Variants in CFAP299 observed in about 807,000 individuals in gnomAD.
The protein encoded by CFAP299 is cilia- and flagella-associated protein 299.
Under a neutral mutation model 27.0 loss-of-function variants are expected in CFAP299, and 21 were observed. The observed-to-expected ratio is 0.78, with a 90% CI of 0.55 to 1.12. CFAP299 has a LOEUF of 1.12. CFAP299 is among the 50% of genes most tolerant of loss of function. The pLI is 0.00. For synonymous variants in CFAP299, 104 were observed against 98.1 expected (o/e 1.06, Z -0.36); for missense variants, 310 against 276.6 (o/e 1.12, Z -0.86).
At chr4:80,574,402 G>A (rs1279459854) in intron 2 of CFAP299, among the ~76,000 whole-genome samples, 1 of 152,076 alleles carries the variant, frequency 6.6e-6, no homozygotes, top group Non-Finnish European at 1.5e-5. Context: ...CTGCAAACAA[G>A]GATAATTTGA....
At chr4:80,562,467 G>A (rs956407730) in intron 2 of CFAP299, among the ~76,000 whole-genome samples, 15 of 151,652 alleles carry the variant, frequency 9.9e-5, no homozygotes, top group Middle Eastern at 6.8e-3. Context: ...GTGTAGTGGC[G>A]GGTGCCCGTA....
rs181118862 is a variant in CFAP299 at position 80,798,418 on chromosome 4, C to A, written c.334-71575C>A. 6.3e-4 allele frequency among the ~76,000 whole-genome samples: 96 copies of A among 152,228 alleles called. 2 individuals carry two copies. Among genetic ancestry groups the A allele is most frequent in the African/African-American group, 2.2e-3 (91 of 41,540 alleles). ...GGCAAAAAATGTTCACCAGAGTTTA[C>A]AAACTCAGTGCCCCGAGATTCATCA... On this transcript the variant is annotated intron_variant, in intron 3 of 5. Transcript: ENST00000358105.
intron 3 of CFAP299, among the ~76,000 whole-genome samples, chr4:80,846,915 G>GT: frequency 6.6e-6 from 1 of 152,182 alleles, no homozygotes; most frequent in Non-Finnish European, 1.5e-5. Flanking sequence ...GTCATTTTCT[G>GT]TAAGTTTCCA....
At chr4:80,775,653 T>G (rs1441266661) in intron 3 of CFAP299, among the ~76,000 whole-genome samples, 2 of 151,778 alleles carry the variant, frequency 1.3e-5, no homozygotes, top group East Asian at 3.9e-4. Flanking sequence ...ACACTAAAAG[T>G]ATGAAAAAAA....
At chr4:80,653,222 C>A (rs1740396944) in intron 3 of CFAP299, among the ~76,000 whole-genome samples, 1 of 152,080 alleles carries the variant, frequency 6.6e-6, no homozygotes, top group African/African-American at 2.4e-5. Context: ...CACATTTTGA[C>A]AAACGGCAGA....
At chr4:80,902,586 T>TACACACACACACAC (rs3038572) in intron 4 of CFAP299, among the ~76,000 whole-genome samples, 45 of 126,696 alleles carry the variant, frequency 3.6e-4, no homozygotes, top group Non-Finnish European at 4.7e-4. Context: ...ATGTAATATA[T>TACACACACACACAC]ACACACACAC....
At chr4:80,622,458 A>C (rs1401647194) in intron 3 of CFAP299, among the ~76,000 whole-genome samples, 1 of 152,204 alleles carries the variant, frequency 6.6e-6, no homozygotes, top group Admixed American at 6.5e-5. Context: ...AACTCAGTAC[A>C]TTCTGGTGAA....
rs544643105 is a variant in CFAP299 at position 80,601,729 on chromosome 4, A to G, written c.333+18546A>G. ...CTTGATCCGGGTGAGATAAGCATGG[A>G]TCACGTTCTCATTCATTTCCTCAGG... On this transcript the variant is annotated intron_variant, in intron 3 of 5. Coordinates refer to ENST00000358105, the MANE Select transcript of CFAP299 (RefSeq NM_152770.3). Among the ~76,000 whole-genome samples, 50 of 152,302 alleles carry G rather than the reference A, an allele frequency of 3.3e-4. 1 individual carries two copies. In the South Asian group the frequency reaches 5.6e-3, roughly 17 times the overall value.
intron 2 of CFAP299, among the ~76,000 whole-genome samples, chr4:80,370,611 G>A (rs1724094783): frequency 6.6e-6 from 1 of 152,188 alleles, no homozygotes; most frequent in South Asian, 2.1e-4. Context: ...GGGGCTACAG[G>A]CCCCAGGCAA....
At chr4:80,609,131 A>G (rs1560653828) in intron 3 of CFAP299, among the ~76,000 whole-genome samples, 1 of 152,036 alleles carries the variant, frequency 6.6e-6, no homozygotes, top group Non-Finnish European at 1.5e-5. Flanking sequence ...TAGTATACAT[A>G]TATTTGCTAC....
chr4:80,636,977 T>G (rs571052958), intron 3 of CFAP299, among the ~76,000 whole-genome samples: 1 of 152,206 alleles, frequency 6.6e-6, no homozygotes, highest in South Asian at 2.1e-4. Flanking sequence ...ATAATCAGAA[T>G]TAAAGAAAAA....
In CFAP299 at chr4:80,705,538, A is replaced by C. The variant is rs114413731; in HGVS notation, c.333+122355A>C. 4.5e-3 allele frequency among the ~76,000 whole-genome samples: 688 copies of C among 151,930 alleles called. 5 individuals carry two copies. The highest frequency in any genetic ancestry group is 0.016 in the African/African-American group (645 of 41,514). On this transcript the variant is annotated intron_variant, in intron 3 of 5. Transcript: ENST00000358105. ...CTTGTCGTGTGTCCAAGAAAAGAGGAAAAGGAGTTTGGAACAATTCTGTTT... is the reference window on the plus strand; with the variant it reads ...CTTGTCGTGTGTCCAAGAAAAGAGGCAAAGGAGTTTGGAACAATTCTGTTT...
At chr4:80,724,090 A>T (rs1417971567) in intron 3 of CFAP299, among the ~76,000 whole-genome samples, 1 of 152,112 alleles carries the variant, frequency 6.6e-6, no homozygotes, top group Non-Finnish European at 1.5e-5. Flanking sequence ...TAATGTTTCT[A>T]TTTTGAATAT....
At chr4:80,821,446 G>A (rs553377347) in intron 3 of CFAP299, among the ~76,000 whole-genome samples, 1 of 152,236 alleles carries the variant, frequency 6.6e-6, no homozygotes, top group East Asian at 1.9e-4. Context: ...ATACAAACAA[G>A]CTTCTAAAGA....
chr4:80,718,571 A>T (rs961882375), intron 3 of CFAP299, among the ~76,000 whole-genome samples: 1 of 152,100 alleles, frequency 6.6e-6, no homozygotes, highest in Non-Finnish European at 1.5e-5. Context: ...ATATAAAAAT[A>T]AAACCTAAAA....
chr4:80,931,658 G>A (rs1478324384), intron 4 of CFAP299, among the ~76,000 whole-genome samples: 7 of 152,014 alleles, frequency 4.6e-5, no homozygotes, highest in African/African-American at 7.3e-5. Flanking sequence ...ACTGCACAGG[G>A]AGGCTTTATT....
At chr4:80,450,643 T>C (rs1269951479) in intron 2 of CFAP299, among the ~76,000 whole-genome samples, 1 of 152,042 alleles carries the variant, frequency 6.6e-6, no homozygotes, top group Non-Finnish European at 1.5e-5. Flanking sequence ...CTTTTTAAAC[T>C]CTGGAATTCA....
At chr4:80,415,627 A>G (rs940540473) in intron 2 of CFAP299, among the ~76,000 whole-genome samples, 2 of 152,150 alleles carry the variant, frequency 1.3e-5, no homozygotes, top group Non-Finnish European at 2.9e-5. Context: ...GTATATATTT[A>G]TGCTATAGAC....
intron 3 of CFAP299, among the ~76,000 whole-genome samples, chr4:80,612,768 C>T (rs1738061768): frequency 6.6e-6 from 1 of 151,996 alleles, no homozygotes. Flanking sequence ...CTCAGAATGC[C>T]TTTGAACTCT....
Sources: allele counts gnomAD v4.1 joint callset (sites outside exome capture counted in the v4.1 genomes callset), GRCh38; gene constraint gnomAD v4.1.1; transcripts MANE v1.5; gene names NCBI Gene and HGNC (gene_info 2026-07-23, HGNC 2026-07-21).